FAM107B: variants seen among roughly 807,000 people sequenced by gnomAD.
FAM107B encodes the protein family with sequence similarity 107 member B.
FAM107B carries 21 observed loss-of-function variants against 31.5 expected under a neutral mutation model. That is an observed-to-expected ratio of 0.67 (90% CI 0.47 to 0.96). The LOEUF is 0.96. Among genes scored for constraint, FAM107B ranks in the 40% least tolerant of loss-of-function variants. The pLI, the probability that FAM107B is intolerant of heterozygous loss-of-function variation, is 0.00. For synonymous variants in FAM107B, 157 were observed against 141.5 expected, an observed-to-expected ratio of 1.11 and a Z score of -0.78; for missense variants, 452 against 377.1, an observed-to-expected ratio of 1.20 and a Z score of -1.64.
At chr10:14,719,641 G>A (rs1855864960) in intron 1 of FAM107B, among the ~76,000 whole-genome samples, 1 of 152,168 alleles carries the variant, frequency 6.6e-6, no homozygotes, top group African/African-American at 2.4e-5. Context: ...GAGGCACTAG[G>A]GGATTCGAGG....
intron 2 of FAM107B, among the ~76,000 whole-genome samples, chr10:14,663,993 G>A (rs983154588): frequency 2.7e-5 from 4 of 150,872 alleles, no homozygotes; most frequent in Non-Finnish European, 4.4e-5. Context: ...CCTGGCTGAC[G>A]TGTCTCCCTT....
Position 14,719,143 on chromosome 10 carries a change from A to G in FAM107B, c.412-51452T>C, listed in dbSNP as rs553251687. 3.9e-4 allele frequency among the ~76,000 whole-genome samples: 60 copies of G among 152,310 alleles called. No homozygotes were observed. In the South Asian group the frequency reaches 0.012, roughly 29 times the overall value. ...CAGACAGGGCTTCAGCTGTCAGACC[A>G]TAGGCTTAGAGCAGGATCCGAGGCT... On this transcript the variant is annotated intron_variant, in intron 1 of 4. Transcript: ENST00000181796.
intron 2 of FAM107B, among the ~76,000 whole-genome samples, chr10:14,559,812 G>A (rs181825689): frequency 0.019 from 2,862 of 150,094 alleles, 93 homozygotes; most frequent in African/African-American, 0.066. Flanking sequence ...CTCGTGATCC[G>A]CCCGTCTTGG....
chr10:14,530,165 C>T (rs1846797742), intron 3 of FAM107B, 167 bp downstream of exon 3: 1 of 727,100 alleles, frequency 1.4e-6, no homozygotes, highest in Admixed American at 3.1e-5. Context: ...GGGGATCTGC[C>T]TCACGGAGGG....
chr10:14,725,095 G>A (rs1856000439), intron 1 of FAM107B, among the ~76,000 whole-genome samples: 1 of 152,194 alleles, frequency 6.6e-6, no homozygotes, highest in Non-Finnish European at 1.5e-5. Flanking sequence ...CTGAGGACCA[G>A]ATGCCTTTGG....
At chr10:14,656,218 G>A (rs765000507) in intron 2 of FAM107B, among the ~76,000 whole-genome samples, 1 of 152,198 alleles carries the variant, frequency 6.6e-6, no homozygotes, top group Non-Finnish European at 1.5e-5. Flanking sequence ...CTGAGGAGTA[G>A]AGCAAGGTAA....
chr10:14,749,347 T>C (rs1391435827), intron 1 of FAM107B, among the ~76,000 whole-genome samples: 2 of 152,186 alleles, frequency 1.3e-5, no homozygotes, highest in African/African-American at 4.8e-5. Flanking sequence ...GCCCTCCGTG[T>C]GACCTAATGC....
chr10:14,687,393 A>C (rs1310309459), intron 1 of FAM107B, among the ~76,000 whole-genome samples: 1 of 152,010 alleles, frequency 6.6e-6, no homozygotes, highest in Non-Finnish European at 1.5e-5. Flanking sequence ...GAGGTTCAAC[A>C]CTCTTGTTAT....
intron 1 of FAM107B, among the ~76,000 whole-genome samples, chr10:14,690,281 G>T (rs1483698003): frequency 6.6e-6 from 1 of 152,124 alleles, no homozygotes; most frequent in Non-Finnish European, 1.5e-5. Context: ...GAAGATCAAG[G>T]CTCCTTTCAA....
intron 2 of FAM107B, among the ~76,000 whole-genome samples, chr10:14,606,323 C>T (rs1350620148): frequency 1.3e-5 from 2 of 152,156 alleles, no homozygotes; most frequent in Admixed American, 1.3e-4. Context: ...CTTTCCTGAC[C>T]TGCTCACACT....
At chr10:14,659,607 A>T (rs35633156) in intron 2 of FAM107B, among the ~76,000 whole-genome samples, 3,277 of 152,308 alleles carry the variant, frequency 0.022, 50 homozygotes, top group Non-Finnish European at 0.033. Flanking sequence ...AAAAATCTGT[A>T]TGGAAGATAA....
chr10:14,701,843 C>T (rs1855406225), intron 1 of FAM107B, among the ~76,000 whole-genome samples: 1 of 152,044 alleles, frequency 6.6e-6, no homozygotes, highest in Admixed American at 6.5e-5. Flanking sequence ...GCAGGGGAGT[C>T]CCTGGAACCT....
intron 1 of FAM107B, among the ~76,000 whole-genome samples, chr10:14,700,529 A>G (rs1855372319): frequency 1.3e-5 from 2 of 152,212 alleles, no homozygotes; most frequent in South Asian, 4.1e-4. Flanking sequence ...TGCAATAAAA[A>G]GATCAATGTC....
At chr10:14,748,443 A>G (rs1229657904) in intron 1 of FAM107B, among the ~76,000 whole-genome samples, 1 of 152,198 alleles carries the variant, frequency 6.6e-6, no homozygotes, top group Admixed American at 6.5e-5. Context: ...GATGCTGATG[A>G]TATCAGTAGC....
chr10:14,550,723 G>C (rs1355616251), intron 2 of FAM107B, among the ~76,000 whole-genome samples: 1 of 152,170 alleles, frequency 6.6e-6, no homozygotes, highest in Non-Finnish European at 1.5e-5. Context: ...CATCCTATCA[G>C]CTTTGACTTC....
chr10:14,695,665 T>G (rs576096101), intron 1 of FAM107B, among the ~76,000 whole-genome samples: 1 of 152,210 alleles, frequency 6.6e-6, no homozygotes, highest in African/African-American at 2.4e-5. Context: ...TTTATTTCAC[T>G]AATGTTTTAT....
At chr10:14,691,656 G>A (rs1421556308) in intron 1 of FAM107B, among the ~76,000 whole-genome samples, 1 of 152,150 alleles carries the variant, frequency 6.6e-6, no homozygotes, top group Non-Finnish European at 1.5e-5. Flanking sequence ...CCCTTTGGGA[G>A]GCCAAGGCGG....
chr10:14,518,769 C>A lies in FAM107B; in HGVS notation c.*2421G>T, dbSNP rs1005421758. 1 of 152,516 alleles carries A rather than the reference C, an allele frequency of 6.6e-6. No homozygotes were observed. The highest frequency in any genetic ancestry group is 1.5e-5 in the Non-Finnish European group (1 of 68,024). 9.4% of individuals were successfully genotyped at this position (152,516 alleles called of 1,614,324 possible). ...ATTTTTCAGAGTAGAAGAATAAAGT[C>A]GACTGTTATAGCTTAGAAAGCAACA... On this transcript the variant is annotated 3_prime_UTR_variant, in exon 5 of 5. Transcript: ENST00000181796.
chr10:14,722,678 T>G (rs1855939494), intron 1 of FAM107B, among the ~76,000 whole-genome samples: 1 of 152,242 alleles, frequency 6.6e-6, no homozygotes, highest in Admixed American at 6.5e-5. Flanking sequence ...TTTTTATTGT[T>G]AAGTTGCCAG....
Sources: gnomAD v4.1 joint callset for allele counts (sites outside exome capture counted in the v4.1 genomes callset) on GRCh38, gnomAD v4.1.1 for gene constraint, MANE v1.5 for transcripts, NCBI Gene and HGNC (gene_info 2026-07-23, HGNC 2026-07-21) for gene names.